DOCK2: variants seen among roughly 807,000 people sequenced by gnomAD.
DOCK2 encodes the protein dedicator of cytokinesis 2.
Under a neutral mutation model 248.9 loss-of-function variants are expected in DOCK2, and 87 were observed. The observed-to-expected ratio is 0.35, with a 90% CI of 0.29 to 0.42. DOCK2 has a LOEUF of 0.42. DOCK2 is among the 10% of genes least tolerant of loss of function. The pLI is 1.00. For missense variants in DOCK2, 1,747 were observed against 2,300.2 expected (o/e 0.76, Z 4.92); for synonymous variants, 805 against 821.6 (o/e 0.98, Z 0.35).
At chr5:169,872,895 G>T (rs945681406) in intron 27 of DOCK2, among the ~76,000 whole-genome samples, 1 of 152,202 alleles carries the variant, frequency 6.6e-6, no homozygotes, top group Non-Finnish European at 1.5e-5. Context: ...TTTTAGGATG[G>T]TTAGGAGTCT....
At chr5:169,690,534 AT>A (rs1760235943) in intron 9 of DOCK2, among the ~76,000 whole-genome samples, 1 of 152,192 alleles carries the variant, frequency 6.6e-6, no homozygotes, top group Admixed American at 6.5e-5. Context: ...ATGGAATGGG[AT>A]CATAGGTCCT....
At chr5:169,998,074 C>T (rs1754709400) in intron 30 of DOCK2, 1 of 455,972 alleles carries the variant, frequency 2.2e-6, no homozygotes, top group Admixed American at 2.3e-5. Context: ...AAAGAGGCCT[C>T]CCCTCCTGAC....
intron 22 of DOCK2, among the ~76,000 whole-genome samples, chr5:169,737,540 TAGGTAGTTTC>T (rs1211548244): frequency 6.6e-6 from 1 of 152,106 alleles, no homozygotes; most frequent in Admixed American, 6.5e-5. Context: ...TGGAAACCCT[TAGGTAGTTTC>T]AGGATGAGGG....
chr5:169,825,432 A>G (rs1465715744), intron 26 of DOCK2, among the ~76,000 whole-genome samples: 3 of 151,224 alleles, frequency 2.0e-5, no homozygotes, highest in South Asian at 2.1e-4. Flanking sequence ...GTGGAATACT[A>G]TGCAGCCATA....
intron 27 of DOCK2, chr5:169,884,842 C>T (rs1772875428): frequency 6.6e-6 from 1 of 152,206 alleles, no homozygotes; most frequent in South Asian, 2.1e-4. Flanking sequence ...CAACAGTGGC[C>T]AATGAGAAGG....
At chr5:169,971,321 C>T (rs1386063511) in intron 27 of DOCK2, among the ~76,000 whole-genome samples, 2 of 152,078 alleles carry the variant, frequency 1.3e-5, no homozygotes, top group East Asian at 3.9e-4. Context: ...TGACAGGAAG[C>T]ACAAGCTGGG....
intron 27 of DOCK2, among the ~76,000 whole-genome samples, chr5:169,863,534 G>C (rs1021998779): frequency 6.6e-6 from 1 of 152,186 alleles, no homozygotes; most frequent in Non-Finnish European, 1.5e-5. Context: ...ATGGTTTAGG[G>C]TGGGCCCTGG....
At chr5:169,950,651 C>G (rs1776625191) in intron 27 of DOCK2, among the ~76,000 whole-genome samples, 1 of 152,182 alleles carries the variant, frequency 6.6e-6, no homozygotes, top group East Asian at 1.9e-4. Context: ...ACTCTTTTCC[C>G]CTATGAAGTA....
chr5:169,883,979 A>T (rs1370495197), intron 27 of DOCK2: 2 of 1,300,114 alleles, frequency 1.5e-6, no homozygotes, highest in African/African-American at 3.0e-5. Flanking sequence ...GTATCTAATG[A>T]TAGTATTTCA....
At chr5:169,655,617 A>G (rs192054438) in intron 2 of DOCK2, among the ~76,000 whole-genome samples, 39 of 152,220 alleles carry the variant, frequency 2.6e-4, no homozygotes, top group Middle Eastern at 6.8e-3. Flanking sequence ...GCTACATGCA[A>G]CCTCTTAGGC....
intron 6 of DOCK2, among the ~76,000 whole-genome samples, chr5:169,679,639 C>A (rs775025136): frequency 5.3e-5 from 8 of 152,230 alleles, no homozygotes; most frequent in Admixed American, 5.2e-4. Context: ...GATGCTCCAT[C>A]TTTTCCAAGG....
intron 26 of DOCK2, among the ~76,000 whole-genome samples, chr5:169,819,808 G>C (rs1768308826): frequency 6.6e-6 from 1 of 152,232 alleles, no homozygotes. Flanking sequence ...AGCGTGCGCT[G>C]AGGCGGGGTG....
At chr5:170,020,377 G>A (rs769182459) in intron 33 of DOCK2, among the ~76,000 whole-genome samples, 2 of 152,092 alleles carry the variant, frequency 1.3e-5, no homozygotes, top group Admixed American at 1.3e-4. Flanking sequence ...GATGTCTAAG[G>A]TATGACTATT....
At chr5:169,672,027 G>A (rs1425603373) in intron 5 of DOCK2, among the ~76,000 whole-genome samples, 1 of 151,280 alleles carries the variant, frequency 6.6e-6, no homozygotes, top group Non-Finnish European at 1.5e-5. Context: ...ATTTTTTTGA[G>A]ATGGAGTCTC....
At chr5:170,046,357 G>C (rs1033277426) in intron 39 of DOCK2, among the ~76,000 whole-genome samples, 1 of 152,154 alleles carries the variant, frequency 6.6e-6, no homozygotes, top group Non-Finnish European at 1.5e-5. Flanking sequence ...AGTGGAGAGT[G>C]GGGGAAGCCA....
At chr5:169,952,608 G>C (rs1432543030) in intron 27 of DOCK2, among the ~76,000 whole-genome samples, 1 of 152,114 alleles carries the variant, frequency 6.6e-6, no homozygotes, top group East Asian at 1.9e-4. Context: ...CAACTGACAT[G>C]TTAGCCACAG....
intron 9 of DOCK2, among the ~76,000 whole-genome samples, chr5:169,691,077 TG>T (rs1296625199): frequency 1.3e-5 from 2 of 152,126 alleles, no homozygotes; most frequent in Admixed American, 6.6e-5. Context: ...TCTCGACTTC[TG>T]GGGGGGCCTC....
chr5:170,069,211 T>G lies in DOCK2; in HGVS notation c.4719T>G (p.Ile1573Met), dbSNP rs750045178. ...AGCTGACCCACCTCAAGGACCTGAT[T>G]GCATGGCAGGTGAGGCAGCGCTGGC... Reference protein sequence around the residue: ...QDKLTHLKDLIAWQIPFLGAG... With the variant: ...QDKLTHLKDLMAWQIPFLGAG... The change falls in exon 46 of 52, where the codon ATT becomes ATG. Residue 1573 changes from isoleucine (I) to methionine (M), a missense_variant. Physicochemically the swap from Ile to Met is conservative, Grantham distance 10 (BLOSUM62 1). Coordinates refer to ENST00000520908, the MANE Select transcript of DOCK2 (RefSeq NM_004946.3). 2.5e-6 allele frequency: 4 copies of G among 1,613,920 alleles called. No individual in the cohort carries two copies. Among genetic ancestry groups the G allele is most frequent in the Non-Finnish European group, 3.4e-6 (4 of 1,179,910 alleles).
chr5:170,019,770 A>G (rs1471190123), intron 33 of DOCK2, among the ~76,000 whole-genome samples: 1 of 152,134 alleles, frequency 6.6e-6, no homozygotes, highest in African/African-American at 2.4e-5. Context: ...AGTTGCCACA[A>G]TTGGCTCCCG....
Sources: allele counts gnomAD v4.1 joint callset (sites outside exome capture counted in the v4.1 genomes callset), GRCh38; gene constraint gnomAD v4.1.1; transcripts MANE v1.5; gene names NCBI Gene and HGNC (gene_info 2026-07-23, HGNC 2026-07-21).